Variants in ABL1 observed in about 807,000 individuals in gnomAD.
ABL1 encodes the protein tyrosine-protein kinase ABL1.
ABL1 carries 11 observed loss-of-function variants against 94.7 expected under a neutral mutation model. The ratio of observed to expected loss-of-function variants is 0.12; its 90% confidence interval spans 0.07 to 0.19. The LOEUF is 0.19. Ranked by LOEUF, ABL1 falls within the 10% of genes least tolerant of loss-of-function variation. ABL1 has a pLI of 1.00. For missense variants in ABL1, 1,082 were observed against 1,489.4 expected (o/e 0.73, Z 4.50); for synonymous variants, 656 against 622.4 (o/e 1.05, Z -0.80).
chr9:130,778,947 A>G (rs923949756), intron 1 of ABL1, among the ~76,000 whole-genome samples: 1 of 152,160 alleles, frequency 6.6e-6, no homozygotes, highest in Non-Finnish European at 1.5e-5. Context: ...GAATTGTTTA[A>G]AAGTCCCTTG....
chr9:130,742,561 A>G (rs1210540602), intron 1 of ABL1, among the ~76,000 whole-genome samples: 1 of 152,128 alleles, frequency 6.6e-6, no homozygotes, highest in Non-Finnish European at 1.5e-5. Context: ...ACTACCAAAT[A>G]ATGCTTTGGT....
intron 7 of ABL1, 115 bp from the exon 8 acceptor site, chr9:130,878,300 G>GGCT: frequency 8.1e-7 from 1 of 1,239,380 alleles, no homozygotes; most frequent in Non-Finnish European, 1.1e-6. Flanking sequence ...TCAGAGCCTG[G>GGCT]GCTGCTGCTG....
chr9:130,854,165 A>G lies in ABL1; in HGVS notation c.181A>G (p.Asn61Asp). 1 of 1,614,146 alleles carries G rather than the reference A, an allele frequency of 6.2e-7. No individual in the cohort carries two copies. Among genetic ancestry groups the G allele is most frequent in the East Asian group, 2.2e-5 (1 of 44,886 alleles). The change falls in exon 2 of 11, where the codon AAT (asparagine) becomes GAT (aspartate). Residue 61 changes from asparagine (N) to aspartate (D), a missense_variant. Asn to Asp is a conservative substitution (Grantham distance 23). Transcript: ENST00000318560. ...AAACCTTCTCGCTGGACCCAGTGAA[A>G]ATGACCCCAACCTTTTCGTTGCACT... ...KENLLAGPSE[N>D]DPNLFVALYD... is the part of the protein sequence containing the mutation.
Position 130,885,011 on chromosome 9 carries a change from A to G in ABL1, c.2721A>G (p.Ala907=). ...PAPPPPPAAS[A]GKAGGKPSQS... Reference sequence around the variant, plus strand: ...CGCCGCCCCCACCAGCAGCCTCTGCAGGGAAGGCTGGAGGAAAGCCCTCGC... The same window carrying G: ...CGCCGCCCCCACCAGCAGCCTCTGCGGGGAAGGCTGGAGGAAAGCCCTCGC... Residue 907 remains alanine (A), a synonymous_variant, in exon 11 of 11, where the codon GCA becomes GCG. Transcript: ENST00000318560. The G allele has an allele frequency of 1.9e-6, 3 of 1,611,766 alleles. No individual in the cohort carries two copies. The highest frequency in any genetic ancestry group is 2.5e-6 in the Non-Finnish European group (3 of 1,179,588).
chr9:130,726,948 G>GT (rs1831594268), intron 1 of ABL1, among the ~76,000 whole-genome samples: 1 of 152,144 alleles, frequency 6.6e-6, no homozygotes, highest in Non-Finnish European at 1.5e-5. Context: ...TTATCAAAGT[G>GT]TTTGATTTCC....
intron 1 of ABL1, among the ~76,000 whole-genome samples, chr9:130,756,220 CT>C (rs1165333870): frequency 6.6e-6 from 1 of 152,092 alleles, no homozygotes; most frequent in Non-Finnish European, 1.5e-5. Context: ...TCTCATTTCC[CT>C]TTTCTCCTTG....
In ABL1 at chr9:130,884,018, G is replaced by A. The variant is rs1265402225; in HGVS notation, c.1728G>A (p.Glu576=). The A allele has an allele frequency of 6.2e-7, 1 of 1,613,824 alleles. No individual in the cohort carries two copies. Among genetic ancestry groups the A allele is most frequent in the African/African-American group, 1.3e-5 (1 of 75,034 alleles). The change falls in exon 11 of 11, where the codon GAG becomes GAA. Residue 576 remains glutamate, a synonymous_variant. Coordinates refer to ENST00000318560, the MANE Select transcript of ABL1 (RefSeq NM_005157.6). This position sits in a 1 kb window ranked among gnomAD's most constrained non-coding sequence, Gnocchi z 5.6. ...TGTCTCCATTGCTCCCTCGAAAAGA[G>A]CGAGGTCCCCCGGAGGGCGGCCTGA... is the stretch of plus-strand genomic sequence containing the variant. ...PAVSPLLPRK[E]RGPPEGGLNE...
chr9:130,765,498 C>A (rs1832171709), intron 1 of ABL1, among the ~76,000 whole-genome samples: 1 of 152,124 alleles, frequency 6.6e-6, no homozygotes, highest in Non-Finnish European at 1.5e-5. Flanking sequence ...ATTCTTATGG[C>A]CTTACGATAA....
At chr9:130,728,078 T>G (rs1220038105) in intron 1 of ABL1, among the ~76,000 whole-genome samples, 1 of 152,036 alleles carries the variant, frequency 6.6e-6, no homozygotes, top group Non-Finnish European at 1.5e-5. Context: ...GTTTGTTTGT[T>G]TTTTGGAGAC....
intron 1 of ABL1, among the ~76,000 whole-genome samples, chr9:130,851,915 G>A (rs75546592): frequency 0.042 from 6,400 of 151,034 alleles, 227 homozygotes; most frequent in African/African-American, 0.093. Flanking sequence ...ACAGGTACCC[G>A]CCACTAATTT....
At chr9:130,828,090 T>C (rs1830448920) in intron 1 of ABL1, among the ~76,000 whole-genome samples, 1 of 151,998 alleles carries the variant, frequency 6.6e-6, no homozygotes, top group South Asian at 2.1e-4. Flanking sequence ...CTTTTATTTA[T>C]TTATTTATTT....
At position 130,769,329 on chromosome 9, in the gene ABL1, C is replaced by CTTTTTTTTTTTTTTTTTT. The variant is rs372838676; in HGVS notation, c.136+54879_136+54896dup. Among the ~76,000 whole-genome samples the CTTTTTTTTTTTTTTTTTT allele has an allele frequency of 7.2e-4, 61 of 84,320 alleles. 2 individuals carry two copies. Among genetic ancestry groups the CTTTTTTTTTTTTTTTTTT allele is most frequent in the Non-Finnish European group, 1.1e-3 (48 of 43,914 alleles). 55.3% of individuals were successfully genotyped at this position (84,320 alleles called of 152,430 possible). On this transcript the variant is annotated intron_variant, in intron 1 of 10. Transcript: ENST00000372348. ...TGGAGAGCCAAACTATGGCCCTAGTCTTTTTTTTTTTTTTTTTTTTTTGAG... is the reference window on the plus strand; with the variant it reads ...TGGAGAGCCAAACTATGGCCCTAGTCTTTTTTTTTTTTTTTTTTTTTTTTTTTTTTTTTTTTTTTTGAG...
chr9:130,798,966 CAAAAA>C (rs71389357), intron 1 of ABL1, among the ~76,000 whole-genome samples: 1 of 66,834 alleles, frequency 1.5e-5, no homozygotes, highest in Admixed American at 1.7e-4. Context: ...GACTCCGTCT[CAAAAA>C]AAAAAAAAAA....
chr9:130,725,405 A>T (rs1214495980), intron 1 of ABL1, among the ~76,000 whole-genome samples: 1 of 151,718 alleles, frequency 6.6e-6, no homozygotes, highest in African/African-American at 2.4e-5. Flanking sequence ...TTTGAGACGG[A>T]GTTTTGCTCT....
chr9:130,826,425 T>A (rs925729966), intron 1 of ABL1, among the ~76,000 whole-genome samples: 1 of 151,996 alleles, frequency 6.6e-6, no homozygotes, highest in Non-Finnish European at 1.5e-5. Flanking sequence ...CTGGCCAAAA[T>A]ATATATATAC....
chr9:130,884,494 C>T lies in ABL1; in HGVS notation c.2204C>T (p.Thr735Met), dbSNP rs1310633113. The T allele has an allele frequency of 4.3e-6, 7 of 1,613,164 alleles. No homozygotes were observed. The highest frequency in any genetic ancestry group is 5.1e-6 in the Non-Finnish European group (6 of 1,180,044). ...AAGGACACGGAGTGGAGGTCAGTCA[C>T]GCTGCCTCGGGACTTGCAGTCCACG... ...GAKDTEWRSVTLPRDLQSTGR... is the reference protein window; with the variant it reads ...GAKDTEWRSVMLPRDLQSTGR... Residue 735 changes from threonine to methionine, a missense_variant, in exon 11 of 11, where the codon ACG becomes ATG. This residue lies in a region of ABL1 where 780 missense variants were observed against 835.8 expected (regional missense o/e 0.93). Transcript: ENST00000318560. The surrounding 1 kb of genome is among the most constrained non-coding windows in gnomAD (Gnocchi z 5.6).
chr9:130,745,080 CTTTT>C (rs767607633), intron 1 of ABL1, among the ~76,000 whole-genome samples: 2 of 131,366 alleles, frequency 1.5e-5, no homozygotes, highest in Non-Finnish European at 1.6e-5. Flanking sequence ...TCCTGGGAAC[CTTTT>C]TTTTTTTTTT....
intron 1 of ABL1, among the ~76,000 whole-genome samples, chr9:130,844,508 T>C (rs1830730839): frequency 6.6e-6 from 1 of 152,096 alleles, no homozygotes. Context: ...TTTTTTCCTT[T>C]TTGGTTGAGG....
intron 4 of ABL1, among the ~76,000 whole-genome samples, chr9:130,870,216 T>A (rs970451074): frequency 6.6e-6 from 1 of 152,230 alleles, no homozygotes; most frequent in Non-Finnish European, 1.5e-5. Flanking sequence ...TTATTTGTAC[T>A]TTCCTCCCTT....
Sources: gnomAD v4.1 joint callset for allele counts (sites outside exome capture counted in the v4.1 genomes callset) on GRCh38, gnomAD v4.1.1 for gene constraint, gnomAD v4.1.1 regional missense constraint, Gnocchi (gnomAD v3.1) non-coding constraint, MANE v1.5 for transcripts, NCBI Gene and HGNC (gene_info 2026-07-23, HGNC 2026-07-21) for gene names.